Variants in ERGIC1 observed in about 807,000 individuals in gnomAD.
The protein encoded by ERGIC1 is endoplasmic reticulum-golgi intermediate compartment 1, also known as endoplasmic reticulum-Golgi intermediate compartment protein 1.
Under a neutral mutation model 38.3 loss-of-function variants are expected in ERGIC1, and 19 were observed. The observed-to-expected ratio is 0.50, with a 90% CI of 0.35 to 0.73. ERGIC1 has a LOEUF of 0.73. Ranked by LOEUF, ERGIC1 falls within the 30% of genes least tolerant of loss-of-function variation. The pLI is 0.01. For missense variants in ERGIC1, 294 were observed against 389.2 expected, an observed-to-expected ratio of 0.76 and a Z score of 2.06; for synonymous variants, 124 against 157.6, an observed-to-expected ratio of 0.79 and a Z score of 1.60.
In ERGIC1 at chr5:172,945,614, A is replaced by G. The variant is rs147856836; in HGVS notation, c.766-5095A>G. ...TAAGATCAGGTTTCATTTACTGAGC[A>G]TCTACTAGGTGCTAGGTGCTCCAGA... On this transcript the variant is annotated intron_variant, in intron 9 of 9. Transcript: ENST00000393784. 3.8e-3 allele frequency among the ~76,000 whole-genome samples: 575 copies of G among 152,336 alleles called. 6 individuals carry two copies. The highest frequency in any genetic ancestry group is 0.013 in the African/African-American group (547 of 41,582).
At chr5:172,866,172 C>T (rs1320986669) in intron 1 of ERGIC1, among the ~76,000 whole-genome samples, 1 of 152,182 alleles carries the variant, frequency 6.6e-6, no homozygotes, top group Non-Finnish European at 1.5e-5. Context: ...ACCTCAGCTC[C>T]ATGCTCTAGA....
At chr5:172,848,021 T>C (rs1761320047) in intron 1 of ERGIC1, among the ~76,000 whole-genome samples, 1 of 152,202 alleles carries the variant, frequency 6.6e-6, no homozygotes, top group African/African-American at 2.4e-5. Context: ...AAAGAGATAT[T>C]AGCAAGTGCT....
intron 2 of ERGIC1, among the ~76,000 whole-genome samples, chr5:172,893,795 T>TGAG (rs1762627790): frequency 6.8e-6 from 1 of 147,844 alleles, no homozygotes; most frequent in Non-Finnish European, 1.5e-5. Flanking sequence ...GGAACCTGTT[T>TGAG]CGACATAGAT....
rs114425833 is a variant in ERGIC1, at chr5:172,921,950, C to T, written c.376-2055C>T. Among the ~76,000 whole-genome samples the T allele has an allele frequency of 4.4e-3, 665 of 152,334 alleles. 6 individuals are homozygous for T. The highest frequency in any genetic ancestry group is 0.015 in the African/African-American group (626 of 41,568). On this transcript the variant is annotated intron_variant, in intron 5 of 9. Coordinates refer to ENST00000393784, the MANE Select transcript of ERGIC1 (RefSeq NM_001031711.3). ...ATACAGCCTGCACCCTCAATTGAGCCGGGGGCCTTCCCTGTAACCCCCATG... is the reference window on the plus strand; with the variant it reads ...ATACAGCCTGCACCCTCAATTGAGCTGGGGGCCTTCCCTGTAACCCCCATG...
rs542712259 is a variant in ERGIC1, at chr5:172,948,230, C to G, written c.766-2479C>G. 2.0e-5 allele frequency among the ~76,000 whole-genome samples: 3 copies of G among 152,346 alleles called. No homozygotes were observed. In the South Asian group the frequency reaches 6.2e-4, roughly 32 times the overall value. Reference sequence around the variant, plus strand: ...ACCAGCTGCTACCCTGCCACCCATCCATACAGACCTGGTCTGTCCATCCTG... The same window carrying G: ...ACCAGCTGCTACCCTGCCACCCATCGATACAGACCTGGTCTGTCCATCCTG... On this transcript the variant is annotated intron_variant, in intron 9 of 9. Transcript: ENST00000393784.
At chr5:172,938,830 G>A (rs1218218743) in intron 9 of ERGIC1, among the ~76,000 whole-genome samples, 1 of 152,160 alleles carries the variant, frequency 6.6e-6, no homozygotes, top group African/African-American at 2.4e-5. Context: ...TTGGGAGGCT[G>A]AGGCGGGCGG....
At chr5:172,893,865 G>A (rs1444447479) in intron 2 of ERGIC1, among the ~76,000 whole-genome samples, 4 of 75,920 alleles carry the variant, frequency 5.3e-5, no homozygotes, top group Non-Finnish European at 1.0e-4. Context: ...GTTCACTTAG[G>A]GGGATATATA....
chr5:172,914,523 C>A, intron 4 of ERGIC1, 191 bp from the exon 5 acceptor site: 1 of 898,722 alleles, frequency 1.1e-6, no homozygotes, highest in Non-Finnish European at 1.7e-6. Context: ...CACTGCCCCC[C>A]TCGCCTCACG....
At chr5:172,852,543 G>A (rs534570824) in intron 1 of ERGIC1, among the ~76,000 whole-genome samples, 1 of 152,344 alleles carries the variant, frequency 6.6e-6, no homozygotes, top group South Asian at 2.1e-4. Context: ...TAGGCCGTCA[G>A]TGACATGAGA....
At position 172,952,292 on chromosome 5, in the gene ERGIC1, TCTC is replaced by T. The variant is rs369015985; in HGVS notation, c.*1479_*1481del. 63 of 152,308 alleles carry T rather than the reference TCTC, an allele frequency of 4.1e-4. 1 individual carries two copies. Among genetic ancestry groups the T allele is most frequent in the African/African-American group, 1.4e-3 (59 of 41,564 alleles). The allele number at this position is 152,308 out of a possible 1,614,324, so 9.4% of individuals were successfully genotyped here. The stretch of plus-strand genomic sequence containing the variant: ...GCTCTAAGCTCCGATTGGAGACGCT[TCTC>T]CTTGTGCATGTGAGTTGACTGATGT... On this transcript the variant is annotated 3_prime_UTR_variant, in exon 10 of 10. Transcript: ENST00000393784.
intron 1 of ERGIC1, among the ~76,000 whole-genome samples, chr5:172,844,833 A>G (rs1225595289): frequency 6.6e-6 from 1 of 151,950 alleles, no homozygotes; most frequent in Non-Finnish European, 1.5e-5. Flanking sequence ...GGAGTGACAC[A>G]CCCTTCCTGC....
intron 1 of ERGIC1, among the ~76,000 whole-genome samples, chr5:172,852,999 A>T (rs556746254): frequency 6.6e-6 from 1 of 152,340 alleles, no homozygotes; most frequent in African/African-American, 2.4e-5. Context: ...GAGAGAGGGC[A>T]TGTGGGTTTG....
chr5:172,883,947 C>T (rs1192973695), intron 1 of ERGIC1, among the ~76,000 whole-genome samples: 1 of 152,166 alleles, frequency 6.6e-6, no homozygotes, highest in Admixed American at 6.5e-5. Context: ...CATCACTGCA[C>T]TCCAGCCTGG....
In ERGIC1 at chr5:172,914,752, G is replaced by A. The variant is rs760418745; in HGVS notation, c.289G>A (p.Glu97Lys). 6.8e-6 allele frequency: 11 copies of A among 1,614,156 alleles called. No homozygotes were observed. Among genetic ancestry groups the A allele is most frequent in the Non-Finnish European group, 9.3e-6 (11 of 1,180,042 alleles). The change falls in exon 5 of 10, where the codon GAA (glutamate) becomes AAA (lysine). Residue 97 changes from glutamate (E) to lysine (K), a missense_variant. By Grantham distance (56) the Glu-to-Lys change is moderately conservative. Around this residue, in one of 3 missense-constraint regions of ERGIC1, gnomAD observed 163 missense variants for 225.8 expected, o/e 0.72. Transcript: ENST00000393784. Reference protein sequence around the residue: ...LDIQDEMGRHEVGHIDNSMKI... With the variant: ...LDIQDEMGRHKVGHIDNSMKI... ...CATTCAGGATGAGATGGGCAGGCAC[G>A]AAGTGGGCCACATCGACAACTCCAT...
intron 9 of ERGIC1, among the ~76,000 whole-genome samples, chr5:172,948,856 C>T (rs1764174444): frequency 6.6e-6 from 1 of 152,040 alleles, no homozygotes; most frequent in South Asian, 2.1e-4. Flanking sequence ...CGAGACCAGC[C>T]TGGGCAACAT....
intron 2 of ERGIC1, among the ~76,000 whole-genome samples, chr5:172,894,259 G>A (rs577253691): frequency 0.01 from 1,354 of 131,044 alleles, 11 homozygotes; most frequent in Non-Finnish European, 0.017. Flanking sequence ...GCAGTGGCAC[G>A]ATCTCGGCTC....
chr5:172,904,008 C>A (rs1042059036), intron 3 of ERGIC1, among the ~76,000 whole-genome samples: 1 of 147,134 alleles, frequency 6.8e-6, no homozygotes, highest in African/African-American at 2.4e-5. Flanking sequence ...CACTAACATA[C>A]ACACACTCAC....
chr5:172,882,519 CT>C (rs1264066345), intron 1 of ERGIC1, among the ~76,000 whole-genome samples: 4 of 152,134 alleles, frequency 2.6e-5, no homozygotes, highest in Non-Finnish European at 5.9e-5. Context: ...TGGACTCAGA[CT>C]TGGGTTTGAA....
intron 1 of ERGIC1, among the ~76,000 whole-genome samples, chr5:172,881,725 G>A (rs1406249383): frequency 1.3e-5 from 2 of 152,174 alleles, no homozygotes; most frequent in Non-Finnish European, 2.9e-5. Flanking sequence ...CTTCATAGGT[G>A]TGTGAGCCTA....
Sources: gnomAD v4.1 joint callset for allele counts (sites outside exome capture counted in the v4.1 genomes callset) on GRCh38, gnomAD v4.1.1 for gene constraint, gnomAD v4.1.1 regional missense constraint, MANE v1.5 for transcripts, NCBI Gene and HGNC (gene_info 2026-07-23, HGNC 2026-07-21) for gene names.